Variants in IPMK observed in about 807,000 individuals in gnomAD.
The protein encoded by IPMK is inositol 1,3,4,6-tetrakisphosphate 5-kinase.
In IPMK, 17 loss-of-function variants were observed where a neutral mutation model predicts 45.8. The ratio of observed to expected loss-of-function variants is 0.37; its 90% CI spans 0.25 to 0.56. IPMK has a LOEUF of 0.56. IPMK is among the 20% of genes least tolerant of loss of function. The probability of loss-of-function intolerance (pLI) is 0.79; values close to 1 mark genes in which losing one functional copy is unlikely to be tolerated. For missense variants in IPMK, 399 were observed against 498.0 expected, an observed-to-expected ratio of 0.80 and a Z score of 1.89; for synonymous variants, 180 against 184.3, an observed-to-expected ratio of 0.98 and a Z score of 0.19.
intron 3 of IPMK, among the ~76,000 whole-genome samples, chr10:58,220,395 T>C (rs1838313946): frequency 1.3e-5 from 2 of 152,190 alleles, no homozygotes; most frequent in South Asian, 2.1e-4. Flanking sequence ...CATGTTCAAG[T>C]TCATTTCCAT....
At chr10:58,237,058 AG>A (rs1296965469) in intron 2 of IPMK, among the ~76,000 whole-genome samples, 1 of 152,240 alleles carries the variant, frequency 6.6e-6, no homozygotes, top group Non-Finnish European at 1.5e-5. Context: ...CCTGGGCAAC[AG>A]AGCCAGACCC....
intron 4 of IPMK, among the ~76,000 whole-genome samples, chr10:58,207,155 A>G (rs1277959945): frequency 6.6e-6 from 1 of 152,120 alleles, no homozygotes; most frequent in Admixed American, 6.5e-5. Flanking sequence ...GGCACCCACC[A>G]CCAAGCCTGG....
chr10:58,211,190 G>GTTT (rs1450283682), intron 4 of IPMK, among the ~76,000 whole-genome samples: 4 of 115,790 alleles, frequency 3.5e-5, no homozygotes, highest in Admixed American at 8.0e-5. Context: ...TGATTACCCG[G>GTTT]TTTTTTTTTT....
intron 2 of IPMK, among the ~76,000 whole-genome samples, chr10:58,228,255 A>G (rs900731831): frequency 2.0e-5 from 3 of 152,240 alleles, no homozygotes; most frequent in South Asian, 2.1e-4. Context: ...AAAGAACTCC[A>G]TGCTATATTT....
At chr10:58,211,125 C>T (rs762127358) in intron 4 of IPMK, among the ~76,000 whole-genome samples, 5 of 150,948 alleles carry the variant, frequency 3.3e-5, no homozygotes, top group Non-Finnish European at 5.9e-5. Context: ...TAATGGGACT[C>T]GAGAAGTTTA....
chr10:58,201,829 A>G (rs1698468), intron 4 of IPMK, among the ~76,000 whole-genome samples: 51,481 of 152,086 alleles, frequency 0.34, 10,968 homozygotes, highest in African/African-American at 0.61. Flanking sequence ...AGTGCTAACT[A>G]CAGTAAACAC....
chr10:58,255,180 G>A (rs975630093), intron 1 of IPMK, among the ~76,000 whole-genome samples: 1 of 152,034 alleles, frequency 6.6e-6, no homozygotes, highest in African/African-American at 2.4e-5. Context: ...GGAGTACTGA[G>A]TAGCCACAAA....
Position 58,223,487 on chromosome 10 carries a change from A to G in IPMK, c.373+3556T>C, listed in dbSNP as rs541444680. The stretch of plus-strand genomic sequence containing the variant: ...AATACTTATTTACAGCCCCTTAATC[A>G]ATATTGTTGATTTCATAAATTACGA... On this transcript the variant is annotated intron_variant, in intron 3 of 5. Transcript: ENST00000373935. Among the ~76,000 whole-genome samples the G allele has an allele frequency of 5.9e-5, 9 of 152,292 alleles. No individual in the cohort carries two copies. In the East Asian group the frequency reaches 1.5e-3, roughly 26 times the overall value.
At chr10:58,235,645 C>A (rs1189874746) in intron 2 of IPMK, among the ~76,000 whole-genome samples, 2 of 152,074 alleles carry the variant, frequency 1.3e-5, no homozygotes, top group Non-Finnish European at 2.9e-5. Flanking sequence ...GGGAACATCA[C>A]GCACCGGGGC....
intron 4 of IPMK, among the ~76,000 whole-genome samples, chr10:58,214,918 T>C (rs1454781252): frequency 1.3e-5 from 2 of 152,200 alleles, no homozygotes; most frequent in Non-Finnish European, 2.9e-5. Flanking sequence ...TGCTGTGACT[T>C]TGCCTTTCCT....
chr10:58,210,323 A>T (rs1439437550), intron 4 of IPMK, among the ~76,000 whole-genome samples: 2 of 152,060 alleles, frequency 1.3e-5, no homozygotes, highest in Non-Finnish European at 2.9e-5. Flanking sequence ...TGCATGTGAA[A>T]CACAGACCTG....
chr10:58,209,924 G>A (rs1838132913), intron 4 of IPMK, among the ~76,000 whole-genome samples: 1 of 152,230 alleles, frequency 6.6e-6, no homozygotes, highest in South Asian at 2.1e-4. Context: ...AGTATTGGCA[G>A]TAGGATCTGA....
chr10:58,253,236 G>T (rs1475864285), intron 1 of IPMK, among the ~76,000 whole-genome samples: 2 of 152,204 alleles, frequency 1.3e-5, no homozygotes, highest in East Asian at 3.8e-4. Flanking sequence ...TGCCATGATT[G>T]TAAGGCCTCC....
rs1839174235 is a variant in IPMK, at chr10:58,267,685, C to T, written c.-74G>A. On this transcript the variant is annotated 5_prime_UTR_variant, in exon 1 of 6. Transcript: ENST00000373935. ...GGCGAGGGAGGGGGCGCCGGAGAACCCGAGGGTCGCTCAGGCTCGGGCGCG... is the reference window on the plus strand; with the variant it reads ...GGCGAGGGAGGGGGCGCCGGAGAACTCGAGGGTCGCTCAGGCTCGGGCGCG... 1.1e-6 allele frequency: 1 copy of T among 941,534 alleles called. No individual in the cohort carries two copies. The highest frequency in any genetic ancestry group is 1.5e-5 in the South Asian group (1 of 68,446). The allele number at this position is 941,534 out of a possible 1,614,324, so 58.3% of individuals were successfully genotyped here.
In IPMK at chr10:58,196,373, A is replaced by G. The variant is rs1289926611; in HGVS notation, c.954T>C (p.Tyr318=). The change falls in exon 6 of 6, where the codon TAT becomes TAC. Residue 318 remains tyrosine (Y), a synonymous_variant. Transcript: ENST00000373935. ...TTGTATATATTTTCCTGTGACGCGCATACATCTTGGACAAGCTTTTGCCCA... is the reference window on the plus strand; with the variant it reads ...TTGTATATATTTTCCTGTGACGCGCGTACATCTTGGACAAGCTTTTGCCCA... ...SSVGKSLSKM[Y]ARHRKIYTKK... is the part of the protein sequence containing the mutation. 1.2e-6 allele frequency: 2 copies of G among 1,614,134 alleles called. No individual in the cohort carries two copies. The highest frequency in any genetic ancestry group is 1.7e-6 in the Non-Finnish European group (2 of 1,180,014).
intron 4 of IPMK, 49 bp from the exon 5 acceptor site, chr10:58,199,370 G>T: frequency 7.9e-7 from 1 of 1,269,000 alleles, no homozygotes; most frequent in Non-Finnish European, 1.1e-6. Flanking sequence ...CCTTGACCAT[G>T]TGGGGTTATC....
intron 2 of IPMK, among the ~76,000 whole-genome samples, chr10:58,233,186 A>G (rs573920787): frequency 1.3e-5 from 2 of 152,356 alleles, no homozygotes; most frequent in Admixed American, 1.3e-4. Flanking sequence ...TTAATAGCCT[A>G]CCAACCAAAA....
intron 2 of IPMK, among the ~76,000 whole-genome samples, chr10:58,235,760 T>C (rs1283285869): frequency 6.6e-6 from 1 of 152,074 alleles, no homozygotes; most frequent in East Asian, 1.9e-4. Context: ...TGTATACTTA[T>C]GTATCAAACC....
At position 58,267,704 on chromosome 10, in the gene IPMK, G is replaced by C; in HGVS notation, c.-93C>G. On this transcript the variant is annotated 5_prime_UTR_variant, in exon 1 of 6. Coordinates refer to ENST00000373935, the MANE Select transcript of IPMK (RefSeq NM_152230.5). ...GAGAACCCGAGGGTCGCTCAGGCTC[G>C]GGCGCGAGGAGGCCCGGGGGTTCCC... The C allele has an allele frequency of 2.5e-6, 2 of 806,622 alleles. No individual in the cohort carries two copies. The highest frequency in any genetic ancestry group is 1.6e-5 in the South Asian group (1 of 62,138). The allele number at this position is 806,622 out of a possible 1,614,324, so 50.0% of individuals were successfully genotyped here.
Sources: gnomAD v4.1 joint callset for allele counts (sites outside exome capture counted in the v4.1 genomes callset) on GRCh38, gnomAD v4.1.1 for gene constraint, MANE v1.5 for transcripts, NCBI Gene and HGNC (gene_info 2026-07-23, HGNC 2026-07-21) for gene names.